Variants in ANKRD27 observed in about 807,000 individuals in gnomAD.
ANKRD27 encodes the protein ankyrin repeat domain-containing protein 27.
ANKRD27 carries 112 observed loss-of-function variants against 129.7 expected under a neutral mutation model. The ratio of observed to expected loss-of-function variants is 0.86; its 90% confidence interval spans 0.74 to 1.01. The LOEUF (loss-of-function observed/expected upper bound fraction) is 1.01. Among genes scored for constraint, ANKRD27 ranks in the 50% least tolerant of loss-of-function variants. The pLI is 0.00. For missense variants in ANKRD27, 1,258 were observed against 1,300.5 expected (o/e 0.97, Z 0.50); for synonymous variants, 516 against 511.2 (o/e 1.01, Z -0.13).
intron 22 of ANKRD27, among the ~76,000 whole-genome samples, chr19:32,613,345 G>A (rs1435034575): frequency 1.3e-5 from 2 of 152,158 alleles, no homozygotes; most frequent in Non-Finnish European, 2.9e-5. Context: ...AAATGATACA[G>A]CCTGCTTGGG....
chr19:32,616,036 A>C (rs1328892784), intron 21 of ANKRD27, among the ~76,000 whole-genome samples: 1 of 152,172 alleles, frequency 6.6e-6, no homozygotes, highest in African/African-American at 2.4e-5. Flanking sequence ...TGATGGCTTT[A>C]AAACTCTAGT....
chr19:32,667,832 C>A (rs374646395), intron 1 of ANKRD27, among the ~76,000 whole-genome samples: 261 of 134,626 alleles, frequency 1.9e-3, no homozygotes, highest in Middle Eastern at 3.8e-3. Context: ...AACTCCGTCT[C>A]AAAAAAAAAA....
intron 2 of ANKRD27, among the ~76,000 whole-genome samples, chr19:32,654,191 T>C (rs259244): frequency 0.49 from 74,187 of 151,672 alleles, 20,907 homozygotes; most frequent in Non-Finnish European, 0.65. Context: ...TGAGCCACCA[T>C]GCCTGGCCAA....
At chr19:32,639,282 A>C in intron 12 of ANKRD27, 74 bp downstream of exon 12, 25 of 1,580,452 alleles carry the variant, frequency 1.6e-5, no homozygotes, top group Non-Finnish European at 2.0e-5. Flanking sequence ...GTCTGCCCAC[A>C]TACCAACCCC....
At chr19:32,639,319 C>T (rs1967149093) in intron 12 of ANKRD27, 37 bp downstream of exon 12, 1 of 1,613,010 alleles carries the variant, frequency 6.2e-7, no homozygotes, top group Non-Finnish European at 8.5e-7. Context: ...AACCATGATG[C>T]CCACAAAGGA....
intron 9 of ANKRD27, 44 bp from the exon 10 acceptor site, chr19:32,642,189 A>G: frequency 2.0e-6 from 3 of 1,530,274 alleles, no homozygotes; most frequent in Non-Finnish European, 2.7e-6. Context: ...GCACAGTAAG[A>G]GAACCCTCTG....
At chr19:32,667,488 A>G (rs1259291592) in intron 1 of ANKRD27, among the ~76,000 whole-genome samples, 1 of 152,216 alleles carries the variant, frequency 6.6e-6, no homozygotes, top group African/African-American at 2.4e-5. Flanking sequence ...TTTATTTTAA[A>G]AAGAAATCTT....
intron 22 of ANKRD27, among the ~76,000 whole-genome samples, chr19:32,610,961 AC>A (rs1971826922): frequency 1.3e-5 from 2 of 151,722 alleles, no homozygotes; most frequent in Non-Finnish European, 2.9e-5. Context: ...AGCCTGGGTG[AC>A]AGAGTGAAAC....
chr19:32,633,967 G>A (rs1312371385), intron 12 of ANKRD27, among the ~76,000 whole-genome samples: 1 of 152,030 alleles, frequency 6.6e-6, no homozygotes, highest in Non-Finnish European at 1.5e-5. Flanking sequence ...GGAGTTGGAG[G>A]CTGCAGTGAG....
intron 21 of ANKRD27, among the ~76,000 whole-genome samples, chr19:32,616,203 A>T (rs1184928588): frequency 6.6e-6 from 1 of 152,122 alleles, no homozygotes; most frequent in East Asian, 1.9e-4. Flanking sequence ...TCAAAAAAAT[A>T]AACCCATCCT....
Position 32,599,754 on chromosome 19 carries a change from TA to T in ANKRD27, c.2868del (p.Met957TrpfsTer10). The T allele has an allele frequency of 6.2e-7, 1 of 1,613,960 alleles. No homozygotes were observed. The highest frequency in any genetic ancestry group is 8.5e-7 in the Non-Finnish European group (1 of 1,179,992). Reference sequence around the variant, plus strand: ...TTAGGGACACTTCTATCTCTTGCCATAATCTCCCTTGAAGTCTTTCCCCTAA... The same window carrying T: ...TTAGGGACACTTCTATCTCTTGCCATATCTCCCTTGAAGTCTTTCCCCTAA... The part of the protein sequence containing the change: ...GQFKGKTSRE[I>X]MARDRSVPNL... On this transcript the variant is annotated frameshift_variant, in exon 28 of 29. Coordinates refer to ENST00000306065, the MANE Select transcript of ANKRD27 (RefSeq NM_032139.3). LOFTEE classifies it high-confidence loss of function.
chr19:32,617,743 G>A (rs1049310144), intron 20 of ANKRD27, 110 bp from the exon 21 acceptor site: 9 of 474,704 alleles, frequency 1.9e-5, no homozygotes, highest in Admixed American at 1.1e-4. Flanking sequence ...GACTTTTAAC[G>A]TCTGATTTAG....
chr19:32,667,290 A>G (rs1967778600), intron 1 of ANKRD27, among the ~76,000 whole-genome samples: 1 of 152,250 alleles, frequency 6.6e-6, no homozygotes. Flanking sequence ...TTGCCCAACA[A>G]TTACACATAA....
At chr19:32,625,845 G>A in intron 17 of ANKRD27, 29 bp downstream of exon 17, 1 of 1,514,274 alleles carries the variant, frequency 6.6e-7, no homozygotes, top group Non-Finnish European at 8.9e-7. Context: ...GGTGAACGCA[G>A]CCCCCCCGGA....
rs1972027572 is a variant in ANKRD27 at position 32,622,514 on chromosome 19, C to T, written c.1735G>A (p.Gly579Ser). ...TTCTGCAGCAATGTCTCTATGACGC[C>T]TTGGTAGCCCCAGCGGGCAGCAATG... ...LHIAARWGYQ[G>S]VIETLLQNGA... is the part of the protein sequence containing the mutation. The change falls in exon 18 of 29, where the codon GGC becomes AGC. Residue 579 changes from glycine to serine, a missense_variant. Physicochemically the swap from Gly to Ser is moderately conservative, Grantham distance 56 (BLOSUM62 0). Transcript: ENST00000306065. The T allele has an allele frequency of 6.2e-7, 1 of 1,613,974 alleles. No individual in the cohort carries two copies. The highest frequency in any genetic ancestry group is 1.7e-5 in the Admixed American group (1 of 59,996).
intron 1 of ANKRD27, among the ~76,000 whole-genome samples, chr19:32,668,130 T>C (rs1364279821): frequency 6.6e-6 from 1 of 152,150 alleles, no homozygotes; most frequent in Admixed American, 6.6e-5. Flanking sequence ...CAATAACTTC[T>C]ATACATCCTC....
At chr19:32,613,706 C>CCCTT (rs1971866847) in intron 22 of ANKRD27, among the ~76,000 whole-genome samples, 3 of 132,988 alleles carry the variant, frequency 2.3e-5, no homozygotes, top group African/African-American at 2.8e-5. Context: ...ATTTATGTAA[C>CCCTT]TTTTTTTTTT....
intron 1 of ANKRD27, among the ~76,000 whole-genome samples, chr19:32,660,505 G>A (rs149787172): frequency 0.037 from 5,668 of 152,100 alleles, 121 homozygotes; most frequent in Middle Eastern, 0.071. Context: ...GTGATAAAGC[G>A]AGACTCCGTT....
intron 2 of ANKRD27, among the ~76,000 whole-genome samples, chr19:32,656,861 T>C (rs542070665): frequency 6.6e-6 from 1 of 152,270 alleles, no homozygotes; most frequent in Admixed American, 6.5e-5. Context: ...AAGTATCTTG[T>C]ATACAGCAGC....
Sources: gnomAD v4.1 joint callset for allele counts (sites outside exome capture counted in the v4.1 genomes callset) on GRCh38, gnomAD v4.1.1 for gene constraint, MANE v1.5 for transcripts, NCBI Gene and HGNC (gene_info 2026-07-23, HGNC 2026-07-21) for gene names.